The following STAM2 variants were observed in gnomAD, a reference collection of about 807,000 sequenced individuals.
The protein encoded by STAM2 is signal transducing adaptor molecule 2.
In STAM2, 51 loss-of-function variants were observed where a neutral mutation model predicts 65.6. That is an observed-to-expected ratio of 0.78 (90% CI 0.62 to 0.98). The LOEUF (loss-of-function observed/expected upper bound fraction) is 0.98. Ranked by LOEUF, STAM2 falls within the 50% of genes least tolerant of loss-of-function variation. STAM2 has a pLI of 0.00. For missense variants in STAM2, 584 were observed against 617.8 expected, an observed-to-expected ratio of 0.95 and a Z score of 0.58; for synonymous variants, 198 against 208.4, an observed-to-expected ratio of 0.95 and a Z score of 0.43.
At chr2:152,130,184 A>G (rs1034734820) in intron 11 of STAM2, among the ~76,000 whole-genome samples, 2 of 152,210 alleles carry the variant, frequency 1.3e-5, no homozygotes, top group Non-Finnish European at 1.5e-5. Flanking sequence ...ATAAGGGAGC[A>G]GAACCAAGTT....
At position 152,117,894 on chromosome 2, in the gene STAM2, T is replaced by G. The variant is rs1192724567; in HGVS notation, c.*2680A>C. On this transcript the variant is annotated 3_prime_UTR_variant, in exon 14 of 14. Transcript: ENST00000263904. The stretch of plus-strand genomic sequence containing the variant: ...AACAGCATGACAATTTAACTACAAA[T>G]AATTTCAAATCCTAACAAATATAAT... 8 of 152,134 alleles carry G rather than the reference T, an allele frequency of 5.3e-5. 1 individual carries two copies. The South Asian group carries it at 1.2e-3, about 24-fold the overall frequency. The allele number at this position is 152,134 out of a possible 1,614,324, so 9.4% of individuals were successfully genotyped here.
At chr2:152,124,064 C>T (rs1378862894) in intron 12 of STAM2, 129 bp from the exon 13 acceptor site, 2 of 756,040 alleles carry the variant, frequency 2.6e-6, no homozygotes, top group Non-Finnish European at 4.2e-6. Flanking sequence ...TTCTACCAAT[C>T]TATCCATCTT....
Position 152,150,179 on chromosome 2 carries a change from C to T in STAM2, c.91G>A (p.Asp31Asn). 3 of 1,613,532 alleles carry T rather than the reference C, an allele frequency of 1.9e-6. No homozygotes were observed. Among genetic ancestry groups the T allele is most frequent in the Non-Finnish European group, 2.5e-6 (3 of 1,179,628 alleles). Residue 31 changes from aspartate (D) to asparagine (N), a missense_variant, in exon 2 of 14, where the codon GAC becomes AAC. Transcript: ENST00000263904. ...NTTEDWSLIMDICDKVGSTPN... is the reference protein window; with the variant it reads ...NTTEDWSLIMNICDKVGSTPN... ...GTACTTCCAACTTTGTCACATATGT[C>T]CATAATAAGACTCCAATCTTCTGTA...
Position 152,131,833 on chromosome 2 carries a change from A to C in STAM2, c.1025+281T>G, listed in dbSNP as rs914300655. The C allele has an allele frequency of 4.0e-5, 15 of 370,702 alleles. No homozygotes were observed. In the Admixed American group the frequency reaches 6.6e-4, roughly 16 times the overall value. The allele number at this position is 370,702 out of a possible 1,614,324, so 23.0% of individuals were successfully genotyped here. A position where few individuals can be genotyped will look rare whatever the true frequency, so the allele number is the denominator to read the frequency against. On this transcript the variant is annotated intron_variant, in intron 11 of 13. Coordinates refer to ENST00000263904, the MANE Select transcript of STAM2 (RefSeq NM_005843.6). ...TAGGCACACTGGCTATCACTGATCC[A>C]GGCAGTTCTAATATCACTAGAAGCA...
intron 10 of STAM2, among the ~76,000 whole-genome samples, 163 bp downstream of exon 10, chr2:152,132,992 GATTTGCAGGTTTATGACA>G (rs948159301): frequency 3.3e-5 from 5 of 152,130 alleles, no homozygotes; most frequent in Admixed American, 2.0e-4. Context: ...TTATGAAAAG[GATTTGCAGGTTTATGACA>G]ATGCCTTCCA....
chr2:152,160,696 G>A (rs1484933866), intron 1 of STAM2, among the ~76,000 whole-genome samples: 1 of 147,808 alleles, frequency 6.8e-6, no homozygotes, highest in Non-Finnish European at 1.5e-5. Context: ...CGGGAGGGAG[G>A]TGGGGGGGTC....
Position 152,144,696 on chromosome 2 carries a change from G to A in STAM2, c.517+192C>T, listed in dbSNP as rs572763091. 1,117 of 438,500 alleles carry A rather than the reference G, an allele frequency of 2.5e-3. 6 individuals carry two copies. The highest frequency in any genetic ancestry group is 5.4e-3 in the South Asian group (194 of 35,666). The allele number at this position is 438,500 out of a possible 1,614,324, so 27.2% of individuals were successfully genotyped here. On this transcript the variant is annotated intron_variant, in intron 6 of 13. Transcript: ENST00000263904. Reference sequence around the variant, plus strand: ...TGGGACTACAGGCGCCCGCCACCACGCCCAGCTAATTTTTGTACTTTTAGT... The same window carrying A: ...TGGGACTACAGGCGCCCGCCACCACACCCAGCTAATTTTTGTACTTTTAGT...
intron 7 of STAM2, among the ~76,000 whole-genome samples, chr2:152,138,629 A>G (rs1290700197): frequency 3.9e-5 from 6 of 152,240 alleles, no homozygotes; most frequent in Non-Finnish European, 8.8e-5. Flanking sequence ...TATGATTATG[A>G]AACATCATTT....
At chr2:152,160,498 G>A (rs1473242546) in intron 1 of STAM2, among the ~76,000 whole-genome samples, 6 of 149,380 alleles carry the variant, frequency 4.0e-5, no homozygotes, top group East Asian at 4.1e-4. Context: ...CCCGGCAGCC[G>A]CCCCGTCTGA....
intron 1 of STAM2, among the ~76,000 whole-genome samples, chr2:152,165,600 C>T (rs1049650446): frequency 3.3e-5 from 5 of 152,088 alleles, no homozygotes; most frequent in Admixed American, 3.3e-4. Context: ...GGGGGTGGCG[C>T]GGGATACACA....
chr2:152,159,108 T>TATATATATATATATATATAC (rs1191937152), intron 1 of STAM2, among the ~76,000 whole-genome samples: 7 of 136,020 alleles, frequency 5.1e-5, no homozygotes, highest in Non-Finnish European at 7.9e-5. Flanking sequence ...TATATATATA[T>TATATATATATATATATATAC]ATACACACAC....
At chr2:152,168,868 A>G (rs1326066338) in intron 1 of STAM2, among the ~76,000 whole-genome samples, 1 of 152,242 alleles carries the variant, frequency 6.6e-6, no homozygotes, top group African/African-American at 2.4e-5. Context: ...ATTATTGTCT[A>G]TTGTCAACTG....
chr2:152,159,133 T>TG (rs1474248778), intron 1 of STAM2, among the ~76,000 whole-genome samples: 1 of 89,824 alleles, frequency 1.1e-5, no homozygotes, highest in Non-Finnish European at 2.1e-5. Context: ...ATATATAATT[T>TG]TTTTTCTAAA....
At chr2:152,136,752 A>AC (rs945013384) in intron 7 of STAM2, among the ~76,000 whole-genome samples, 2 of 152,196 alleles carry the variant, frequency 1.3e-5, no homozygotes, top group African/African-American at 4.8e-5. Flanking sequence ...GTAGAGATGG[A>AC]CATTTAGGTT....
At chr2:152,161,976 C>A (rs949717177) in intron 1 of STAM2, among the ~76,000 whole-genome samples, 1 of 152,108 alleles carries the variant, frequency 6.6e-6, no homozygotes, top group Non-Finnish European at 1.5e-5. Context: ...GCATGTGCCA[C>A]CACACCCGGT....
chr2:152,153,271 C>T (rs553925216), intron 1 of STAM2, among the ~76,000 whole-genome samples: 1 of 151,516 alleles, frequency 6.6e-6, no homozygotes, highest in Admixed American at 6.6e-5. Flanking sequence ...CTTGTAATTT[C>T]AAATATAGAA....
intron 13 of STAM2, among the ~76,000 whole-genome samples, chr2:152,122,074 A>G (rs200997708): frequency 0.067 from 9,028 of 135,350 alleles, 805 homozygotes; most frequent in African/African-American, 0.21. Flanking sequence ...ATATATATAT[A>G]TATGTGTGTG....
intron 1 of STAM2, among the ~76,000 whole-genome samples, chr2:152,170,078 T>C (rs906448470): frequency 6.6e-6 from 1 of 150,990 alleles, no homozygotes. Context: ...CTCAGAAGAT[T>C]TGTCCACCTC....
intron 8 of STAM2, among the ~76,000 whole-genome samples, 178 bp from the exon 9 acceptor site, chr2:152,133,662 C>G (rs934123165): frequency 1.3e-5 from 2 of 152,084 alleles, no homozygotes; most frequent in African/African-American, 4.8e-5. Context: ...ATTTATTTCA[C>G]AAACATTTAT....
Sources: gnomAD v4.1 joint callset for allele counts (sites outside exome capture counted in the v4.1 genomes callset) on GRCh38, gnomAD v4.1.1 for gene constraint, MANE v1.5 for transcripts, NCBI Gene and HGNC (gene_info 2026-07-23, HGNC 2026-07-21) for gene names.